The following TXLNB variants were observed in gnomAD, a reference collection of about 807,000 sequenced individuals.
TXLNB encodes the protein beta-taxilin.
A neutral mutation model predicts 57.4 loss-of-function variants in TXLNB; 37 were observed. The observed-to-expected ratio is 0.64, with a 90% CI of 0.50 to 0.85. The LOEUF (loss-of-function observed/expected upper bound fraction) is 0.85. Among genes scored for constraint, TXLNB ranks in the 40% least tolerant of loss-of-function variants. The pLI, the probability that TXLNB is intolerant of heterozygous loss-of-function variation, is 0.00. For synonymous variants in TXLNB, 302 were observed against 309.6 expected (o/e 0.98, Z 0.26); for missense variants, 848 against 825.6 (o/e 1.03, Z -0.33).
At chr6:139,262,524 T>C in intron 5 of TXLNB, 55 bp downstream of exon 5, 1 of 1,445,670 alleles carries the variant, frequency 6.9e-7, no homozygotes, top group Non-Finnish European at 9.3e-7. Flanking sequence ...TTCCCACCTT[T>C]AGCTCCCAGA....
the TXLNB span, among the ~76,000 whole-genome samples, chr6:139,303,069 C>A: frequency 0.95 from 144,558 of 152,340 alleles, 68,676 homozygotes; most frequent in East Asian, 1. Context: ...ATATTAAAGT[C>A]ATGGATATTT....
chr6:139,264,333 C>T (rs950582088), intron 4 of TXLNB, among the ~76,000 whole-genome samples: 4 of 152,002 alleles, frequency 2.6e-5, no homozygotes, highest in Non-Finnish European at 5.9e-5. Flanking sequence ...GAACTACAGA[C>T]CATGATTTGA....
In TXLNB at chr6:139,241,288, AC is replaced by A. The variant is rs1260417568; in HGVS notation, c.*1237del. On this transcript the variant is annotated 3_prime_UTR_variant, in exon 10 of 10. Transcript: ENST00000358430. ...TGTAAGCCTCATCACTGATATTGAG[AC>A]CCAGTGTAGATTTGTGTTTTGGAAA... 1.3e-5 allele frequency: 2 copies of A among 152,188 alleles called. No individual in the cohort carries two copies. The highest frequency in any genetic ancestry group is 2.9e-5 in the Non-Finnish European group (2 of 68,034). 9.4% of individuals were successfully genotyped at this position (152,188 alleles called of 1,614,324 possible).
the TXLNB span, among the ~76,000 whole-genome samples, chr6:139,175,796 G>A: frequency 6.6e-6 from 1 of 152,158 alleles, no homozygotes; most frequent in Non-Finnish European, 1.5e-5. Context: ...ATGTCTTTAG[G>A]AGGAAAAACA....
chr6:139,261,833 C>T (rs1001276719), intron 5 of TXLNB, among the ~76,000 whole-genome samples: 2 of 150,840 alleles, frequency 1.3e-5, no homozygotes, highest in Non-Finnish European at 2.9e-5. Context: ...TAAATGATAT[C>T]ATTATTATTA....
At chr6:139,218,802 C>T in the TXLNB span, among the ~76,000 whole-genome samples, 3 of 151,932 alleles carry the variant, frequency 2.0e-5, no homozygotes, top group Non-Finnish European at 4.4e-5. Flanking sequence ...TTATAAAAAC[C>T]CAAAAAACCA....
chr6:139,216,439 C>T, the TXLNB span, among the ~76,000 whole-genome samples: 79 of 129,794 alleles, frequency 6.1e-4, 2 homozygotes, highest in East Asian at 0.017. Context: ...AACACATGGA[C>T]ACAGGAAGGG....
At chr6:139,272,071 T>A (rs1415218041) in intron 3 of TXLNB, among the ~76,000 whole-genome samples, 1 of 151,998 alleles carries the variant, frequency 6.6e-6, no homozygotes, top group Non-Finnish European at 1.5e-5. Context: ...CACTTTTGGA[T>A]GCTGAGGCAG....
At chr6:139,304,004 CAA>C in the TXLNB span, among the ~76,000 whole-genome samples, 2 of 151,808 alleles carry the variant, frequency 1.3e-5, no homozygotes, top group African/African-American at 4.8e-5. Context: ...AAAGTACTAT[CAA>C]AAAGACATAA....
rs184129272 is a variant in TXLNB, at chr6:139,240,669, T to G, written c.*1857A>C. 5.2e-5 allele frequency: 8 copies of G among 152,822 alleles called. No individual in the cohort carries two copies. The highest frequency in any genetic ancestry group is 1.9e-4 in the African/African-American group (8 of 41,592). 9.5% of individuals were successfully genotyped at this position (152,822 alleles called of 1,614,324 possible). On this transcript the variant is annotated 3_prime_UTR_variant, in exon 10 of 10. Coordinates refer to ENST00000358430, the MANE Select transcript of TXLNB (RefSeq NM_153235.4). ...GGCTGGATACCCTGTGGTTATAATATTTTAAGCCTTTAAAAATATACAGAT... is the reference window on the plus strand; with the variant it reads ...GGCTGGATACCCTGTGGTTATAATAGTTTAAGCCTTTAAAAATATACAGAT...
At chr6:139,230,512 T>C in the TXLNB span, among the ~76,000 whole-genome samples, 2 of 152,236 alleles carry the variant, frequency 1.3e-5, no homozygotes, top group African/African-American at 4.8e-5. Context: ...AGTAACCATC[T>C]GAAGAGCTCC....
the TXLNB span, among the ~76,000 whole-genome samples, chr6:139,192,457 C>A: frequency 6.6e-6 from 1 of 152,266 alleles, no homozygotes; most frequent in Admixed American, 6.5e-5. Flanking sequence ...TGTGTCTCTT[C>A]CCACTGAAAT....
chr6:139,306,195 T>A, the TXLNB span, among the ~76,000 whole-genome samples: 1 of 152,172 alleles, frequency 6.6e-6, no homozygotes. Context: ...TAAGGTGATT[T>A]GGTTTCCATC....
At chr6:139,249,520 A>G (rs147808966) in intron 7 of TXLNB, among the ~76,000 whole-genome samples, 54 of 152,304 alleles carry the variant, frequency 3.5e-4, no homozygotes, top group African/African-American at 1.3e-3. Flanking sequence ...AGCTGGAAGG[A>G]AGGCACCGAC....
At chr6:139,222,422 T>G in the TXLNB span, among the ~76,000 whole-genome samples, 204 of 152,270 alleles carry the variant, frequency 1.3e-3, 1 homozygote, top group African/African-American at 4.6e-3. Context: ...CATAATAAAG[T>G]GGCCAATCCA....
At chr6:139,221,548 T>G in the TXLNB span, among the ~76,000 whole-genome samples, 1 of 152,090 alleles carries the variant, frequency 6.6e-6, no homozygotes, top group Non-Finnish European at 1.5e-5. Flanking sequence ...CTAGGCAAAA[T>G]TGCTGAAAAC....
chr6:139,313,049 G>A, the TXLNB span, among the ~76,000 whole-genome samples: 1 of 151,528 alleles, frequency 6.6e-6, no homozygotes, highest in Non-Finnish European at 1.5e-5. Context: ...TGATGTAAGT[G>A]TTAATAAACT....
At chr6:139,255,331 C>A in intron 7 of TXLNB, 1 of 557,280 alleles carries the variant, frequency 1.8e-6, no homozygotes, top group Non-Finnish European at 3.4e-6. Flanking sequence ...TGTCTGTCAA[C>A]AAACCTTTGA....
At chr6:139,293,538 A>G (rs1436133761), upstream of TXLNB, among the ~76,000 whole-genome samples, 1 of 150,446 alleles carries the variant, frequency 6.6e-6, no homozygotes, top group Admixed American at 6.6e-5. Context: ...GAGGGATGCA[A>G]TCCTGCGACA....
Sources: allele counts gnomAD v4.1 joint callset (sites outside exome capture counted in the v4.1 genomes callset), GRCh38; gene constraint gnomAD v4.1.1; transcripts MANE v1.5; gene names NCBI Gene and HGNC (gene_info 2026-07-23, HGNC 2026-07-21).